The following PKD2 variants were observed in gnomAD, a reference collection of about 807,000 sequenced individuals.
PKD2 encodes polycystin-2.
Under a neutral mutation model 105.9 loss-of-function variants are expected in PKD2, and 48 were observed. That is an observed-to-expected ratio of 0.45 (90% CI 0.36 to 0.58). The LOEUF (loss-of-function observed/expected upper bound fraction) is 0.58. PKD2 is among the 20% of genes least tolerant of loss of function. The pLI is 0.00. For missense variants in PKD2, 1,078 were observed against 1,255.3 expected (o/e 0.86, Z 2.13); for synonymous variants, 464 against 481.1 (o/e 0.96, Z 0.46).
intron 10 of PKD2, among the ~76,000 whole-genome samples, chr4:88,062,539 C>T (rs1165586519): frequency 6.6e-6 from 1 of 152,158 alleles, no homozygotes; most frequent in Non-Finnish European, 1.5e-5. Context: ...ACTTATGCAC[C>T]TTCTCAGGAA....
intron 4 of PKD2, 152 bp from the exon 5 acceptor site, chr4:88,043,081 C>G (rs1727631975): frequency 1.5e-6 from 1 of 656,574 alleles, no homozygotes; most frequent in Non-Finnish European, 2.7e-6. Context: ...TGAGAATTAA[C>G]CAAGAAAACA....
At chr4:88,016,440 T>A (rs951950890) in intron 1 of PKD2, among the ~76,000 whole-genome samples, 5 of 152,152 alleles carry the variant, frequency 3.3e-5, no homozygotes, top group Admixed American at 1.3e-4. Flanking sequence ...TTGCACATGA[T>A]TCCATCCTTA....
chr4:88,075,656 G>A lies in PKD2; in HGVS notation c.2869G>A (p.Gly957Ser). The change falls in exon 15 of 15, where the codon GGT becomes AGT. Residue 957 changes from glycine to serine, a missense_variant. By Grantham distance (56) the Gly-to-Ser change is moderately conservative. Coordinates refer to ENST00000237596, the MANE Select transcript of PKD2 (RefSeq NM_000297.4). The stretch of plus-strand genomic sequence containing the variant: ...CTCCCAATCTACAGAAGGCATGGAA[G>A]GTGCAGGTGGAAATGGGAGTTCTAA... The part of the protein sequence containing the change: ...SSSQSTEGME[G>S]AGGNGSSNVH... 6.2e-7 allele frequency: 1 copy of A among 1,614,032 alleles called. No individual in the cohort carries two copies. The highest frequency in any genetic ancestry group is 8.5e-7 in the Non-Finnish European group (1 of 1,179,936).
chr4:88,051,911 A>G (rs1578139095), intron 6 of PKD2, 80 bp from the exon 7 acceptor site: 8 of 769,968 alleles, frequency 1.0e-5, no homozygotes, highest in African/African-American at 1.8e-5. Flanking sequence ...ACATTGGTGA[A>G]GAAAAATATA....
intron 1 of PKD2, among the ~76,000 whole-genome samples, chr4:88,013,957 C>G (rs1726472798): frequency 6.6e-6 from 1 of 152,086 alleles, no homozygotes; most frequent in African/African-American, 2.4e-5. Context: ...ATTTGTCAAT[C>G]TGAAGATGAC....
At chr4:88,059,655 A>G (rs1391937536) in intron 9 of PKD2, among the ~76,000 whole-genome samples, 1 of 152,124 alleles carries the variant, frequency 6.6e-6, no homozygotes, top group Non-Finnish European at 1.5e-5. Context: ...TTCTATCTTT[A>G]TACTAAAATT....
At chr4:88,047,833 A>G (rs1320785039) in intron 6 of PKD2, among the ~76,000 whole-genome samples, 1 of 152,128 alleles carries the variant, frequency 6.6e-6, no homozygotes, top group Non-Finnish European at 1.5e-5. Flanking sequence ...CCCCATCTCT[A>G]AAAAATAAAA....
At chr4:88,033,426 CAAAA>C (rs773009545) in intron 2 of PKD2, among the ~76,000 whole-genome samples, 2 of 114,804 alleles carry the variant, frequency 1.7e-5, no homozygotes, top group Admixed American at 9.2e-5. Context: ...GACCTTATCT[CAAAA>C]AAAAAAAAAA....
intron 13 of PKD2, among the ~76,000 whole-genome samples, chr4:88,069,155 C>T (rs1216620706): frequency 6.6e-6 from 1 of 152,054 alleles, no homozygotes. Flanking sequence ...CTTTTTCCAT[C>T]CTTTTACTTT....
At chr4:88,020,614 C>T (rs760677654) in intron 2 of PKD2, among the ~76,000 whole-genome samples, 2 of 151,740 alleles carry the variant, frequency 1.3e-5, no homozygotes, top group Non-Finnish European at 2.9e-5. Context: ...AAAGTCTTCA[C>T]GAGAACAGAT....
At position 88,075,481 on chromosome 4, in the gene PKD2, T is replaced by G; in HGVS notation, c.2694T>G (p.Ser898Arg). Residue 898 changes from serine to arginine, a missense_variant, in exon 15 of 15, where the codon AGT becomes AGG. Physicochemically the swap from Ser to Arg is moderately radical, Grantham distance 110. Around this residue, in one of 2 missense-constraint regions of PKD2, gnomAD observed 868 missense variants for 1,067.3 expected, o/e 0.81. Transcript: ENST00000237596. Reference sequence around the variant, plus strand: ...AGGATGAAAGGCTGGGTCGTGACAGTGAAATCCATAGGGAACAGATGGAAC... The same window carrying G: ...AGGATGAAAGGCTGGGTCGTGACAGGGAAATCCATAGGGAACAGATGGAAC... ...VAEDERLGRD[S>R]EIHREQMERL... 2 of 1,614,012 alleles carry G rather than the reference T, an allele frequency of 1.2e-6. No homozygotes were observed. Among genetic ancestry groups the G allele is most frequent in the Non-Finnish European group, 1.7e-6 (2 of 1,179,906 alleles).
chr4:88,007,933 C>T lies in PKD2; in HGVS notation c.200C>T (p.Pro67Leu). 1 of 1,457,252 alleles carries T rather than the reference C, an allele frequency of 6.9e-7. No homozygotes were observed. The highest frequency in any genetic ancestry group is 9.1e-7 in the Non-Finnish European group (1 of 1,102,972). 90.3% of individuals were successfully genotyped at this position (1,457,252 alleles called of 1,614,324 possible). A position where few individuals can be genotyped will look rare whatever the true frequency, so the allele number is the denominator to read the frequency against. ...ATCCGGCAGGCGGCCGCGCGGGACC[C>T]CCCGGCCGGAGCCGCGGCCTCCCCT... ...QRIRQAAARD[P>L]PAGAAASPSP... Residue 67 changes from proline (P) to leucine (L), a missense_variant, in exon 1 of 15, where the codon CCC becomes CTC. By Grantham distance (98) the Pro-to-Leu change is moderately conservative. Transcript: ENST00000237596.
intron 2 of PKD2, among the ~76,000 whole-genome samples, chr4:88,032,722 T>C (rs952560646): frequency 6.6e-6 from 1 of 152,240 alleles, no homozygotes; most frequent in Admixed American, 6.5e-5. Flanking sequence ...TCTCCAGTTT[T>C]CCTTTCAGGG....
intron 7 of PKD2, among the ~76,000 whole-genome samples, chr4:88,054,651 T>C (rs1256583962): frequency 2.0e-5 from 1 of 49,018 alleles, no homozygotes; most frequent in Non-Finnish European, 3.8e-5. Context: ...ATGACTCTAC[T>C]TTTTTTTTTT....
At chr4:88,026,965 A>T (rs1025129388) in intron 2 of PKD2, among the ~76,000 whole-genome samples, 5 of 152,178 alleles carry the variant, frequency 3.3e-5, no homozygotes, top group Non-Finnish European at 5.9e-5. Flanking sequence ...GCCGCTGCCT[A>T]GATTTCAGAG....
rs1720827420 is a variant in PKD2 at position 88,067,217 on chromosome 4, G to A, written c.2359-681G>A. ...GTCATTGGAGCAGTTTGGATTTTGG[G>A]TTTTCAGATTAGGGATGCTGAACCA... On this transcript the variant is annotated intron_variant, in intron 12 of 14. Transcript: ENST00000237596. 2.6e-5 allele frequency among the ~76,000 whole-genome samples: 4 copies of A among 152,120 alleles called. No individual in the cohort carries two copies. The South Asian group carries it at 8.3e-4, about 32-fold the overall frequency.
At chr4:88,060,976 A>T (rs1229272383) in intron 9 of PKD2, among the ~76,000 whole-genome samples, 1 of 152,230 alleles carries the variant, frequency 6.6e-6, no homozygotes, top group Admixed American at 6.5e-5. Flanking sequence ...GTGGAGCAAC[A>T]ATCTTAGCAG....
chr4:88,058,800 T>C (rs1720455494), intron 9 of PKD2, among the ~76,000 whole-genome samples: 1 of 152,178 alleles, frequency 6.6e-6, no homozygotes, highest in South Asian at 2.1e-4. Context: ...ATGAACATTT[T>C]TAATGTTTTT....
intron 1 of PKD2, among the ~76,000 whole-genome samples, chr4:88,018,912 ACAGAG>A (rs1404325887): frequency 3.3e-5 from 5 of 152,224 alleles, no homozygotes; most frequent in Admixed American, 1.3e-4. Context: ...TTCTGCTCTT[ACAGAG>A]CAGAGTTTTT....
Sources: allele counts gnomAD v4.1 joint callset (sites outside exome capture counted in the v4.1 genomes callset), GRCh38; gene constraint gnomAD v4.1.1; regional missense constraint gnomAD v4.1.1; transcripts MANE v1.5; gene names NCBI Gene and HGNC (gene_info 2026-07-23, HGNC 2026-07-21).